The following FTO variants were observed in gnomAD, a reference collection of about 807,000 sequenced individuals.
FTO encodes the protein FTO alpha-ketoglutarate dependent dioxygenase.
Under a neutral mutation model 63.9 loss-of-function variants are expected in FTO, and 47 were observed. The ratio of observed to expected loss-of-function variants is 0.74; its 90% confidence interval spans 0.58 to 0.94. FTO has a LOEUF of 0.94. Among genes scored for constraint, FTO ranks in the 40% least tolerant of loss-of-function variants. FTO has a pLI of 0.00. For synonymous variants in FTO, 207 were observed against 224.4 expected, an observed-to-expected ratio of 0.92 and a Z score of 0.69; for missense variants, 562 against 618.1, an observed-to-expected ratio of 0.91 and a Z score of 0.96.
At chr16:53,743,624 G>C (rs2076578341) in intron 1 of FTO, among the ~76,000 whole-genome samples, 1 of 149,314 alleles carries the variant, frequency 6.7e-6, no homozygotes, top group South Asian at 2.2e-4. Context: ...GATAATTTTA[G>C]GCACAATTTT....
intron 3 of FTO, among the ~76,000 whole-genome samples, chr16:53,840,287 A>T (rs546671102): frequency 6.6e-6 from 1 of 152,292 alleles, no homozygotes; most frequent in African/African-American, 2.4e-5. Context: ...TATCACAAAT[A>T]TAAACATAAT....
chr16:53,732,814 T>C (rs2076304684), intron 1 of FTO, among the ~76,000 whole-genome samples: 1 of 151,990 alleles, frequency 6.6e-6, no homozygotes, highest in South Asian at 2.1e-4. Flanking sequence ...TGATGAAATG[T>C]GCTAAGAAGA....
chr16:54,021,939 T>C (rs1030945700), intron 8 of FTO, among the ~76,000 whole-genome samples: 2 of 152,230 alleles, frequency 1.3e-5, no homozygotes, highest in Admixed American at 6.5e-5. Flanking sequence ...TATTCATCAC[T>C]GAAAACAAAA....
intron 4 of FTO, among the ~76,000 whole-genome samples, chr16:53,868,028 T>G (rs1178741984): frequency 6.6e-6 from 1 of 152,188 alleles, no homozygotes; most frequent in East Asian, 1.9e-4. Context: ...TAGATTAATG[T>G]TAGCATAGTA....
chr16:54,097,117 TAC>T (rs1332928858), intron 8 of FTO, among the ~76,000 whole-genome samples: 1 of 152,132 alleles, frequency 6.6e-6, no homozygotes, highest in Non-Finnish European at 1.5e-5. Flanking sequence ...TATATATAAC[TAC>T]AGTTTTTTTA....
chr16:53,836,982 A>G (rs556338539), intron 3 of FTO, among the ~76,000 whole-genome samples: 4 of 152,312 alleles, frequency 2.6e-5, no homozygotes, highest in Non-Finnish European at 5.9e-5. Flanking sequence ...TGTGTTATTT[A>G]CAACGTAAGG....
At chr16:53,783,155 C>T (rs2077630105) in intron 1 of FTO, among the ~76,000 whole-genome samples, 1 of 152,112 alleles carries the variant, frequency 6.6e-6, no homozygotes, top group Admixed American at 6.5e-5. Context: ...TCAAGAGCAG[C>T]AGACTAAATT....
chr16:54,096,507 G>T (rs1227234971), intron 8 of FTO, among the ~76,000 whole-genome samples: 5 of 152,204 alleles, frequency 3.3e-5, no homozygotes, highest in African/African-American at 1.2e-4. Flanking sequence ...GAATGAAGCG[G>T]CAGCTTAAAG....
intron 2 of FTO, among the ~76,000 whole-genome samples, chr16:53,824,166 C>T (rs527868376): frequency 4.7e-4 from 71 of 152,360 alleles, no homozygotes; most frequent in South Asian, 1.7e-3. Context: ...TCCTCCAGTG[C>T]ATCTAGAGTT....
At chr16:54,064,352 A>G (rs1406321264) in intron 8 of FTO, among the ~76,000 whole-genome samples, 3 of 152,230 alleles carry the variant, frequency 2.0e-5, no homozygotes, top group Admixed American at 1.3e-4. Context: ...GACTAAGAAT[A>G]TTTTAAAGCA....
At chr16:53,898,225 A>G (rs1212324254) in intron 7 of FTO, among the ~76,000 whole-genome samples, 1 of 151,916 alleles carries the variant, frequency 6.6e-6, no homozygotes, top group African/African-American at 2.4e-5. Context: ...TCCCTCCCCT[A>G]ATGTCTGCCT....
At chr16:53,722,760 G>A (rs1476421359) in intron 1 of FTO, among the ~76,000 whole-genome samples, 3 of 151,900 alleles carry the variant, frequency 2.0e-5, no homozygotes, top group South Asian at 2.1e-4. Flanking sequence ...CCCGGGAGGC[G>A]GAGGTTGTAG....
At chr16:53,865,401 G>A (rs1276441985) in intron 4 of FTO, among the ~76,000 whole-genome samples, 1 of 152,052 alleles carries the variant, frequency 6.6e-6, no homozygotes, top group African/African-American at 2.4e-5. Context: ...CCTCTATATT[G>A]TTGTGTTTAT....
intron 8 of FTO, among the ~76,000 whole-genome samples, chr16:53,962,357 A>T (rs1047139728): frequency 1.3e-5 from 2 of 152,014 alleles, no homozygotes; most frequent in African/African-American, 4.8e-5. Flanking sequence ...TTTAATTTCT[A>T]CCTGAAGACC....
chr16:54,041,488 G>C (rs1284653832), intron 8 of FTO, among the ~76,000 whole-genome samples: 3 of 152,120 alleles, frequency 2.0e-5, no homozygotes, highest in Non-Finnish European at 4.4e-5. Context: ...CTCCCTAGTA[G>C]ACCCACCTAG....
intron 7 of FTO, among the ~76,000 whole-genome samples, chr16:53,918,815 C>T (rs1187371600): frequency 6.6e-6 from 1 of 152,184 alleles, no homozygotes; most frequent in African/African-American, 2.4e-5. Flanking sequence ...CAGTATGTTC[C>T]ATTCCATATG....
chr16:53,743,302 G>A (rs1047009087), intron 1 of FTO, among the ~76,000 whole-genome samples: 2 of 152,004 alleles, frequency 1.3e-5, no homozygotes, highest in African/African-American at 2.4e-5. Flanking sequence ...TCTCCCAGTC[G>A]ATGGTTGTGG....
chr16:53,812,844 C>A (rs973006022), intron 2 of FTO, among the ~76,000 whole-genome samples: 20 of 152,072 alleles, frequency 1.3e-4, no homozygotes, highest in African/African-American at 4.8e-4. Context: ...AAGGTATATT[C>A]TTTTGCAATC....
chr16:53,739,271 T>C (rs2076469631), intron 1 of FTO, among the ~76,000 whole-genome samples: 1 of 152,126 alleles, frequency 6.6e-6, no homozygotes, highest in Non-Finnish European at 1.5e-5. Context: ...AATGGCACGA[T>C]GTCGGCTCAC....
Sources: gnomAD v4.1 joint callset for allele counts (sites outside exome capture counted in the v4.1 genomes callset) on GRCh38, gnomAD v4.1.1 for gene constraint, MANE v1.5 for transcripts, NCBI Gene and HGNC (gene_info 2026-07-23, HGNC 2026-07-21) for gene names.